The following GRIP1 variants were observed in gnomAD, a reference collection of about 807,000 sequenced individuals.
GRIP1 encodes glutamate receptor interacting protein 1.
In GRIP1, 45 loss-of-function variants were observed where a neutral mutation model predicts 129.9. That is an observed-to-expected ratio of 0.35 (90% confidence interval 0.27 to 0.44). The LOEUF is 0.44. Among genes scored for constraint, GRIP1 ranks in the 20% least tolerant of loss-of-function variants. The probability of loss-of-function intolerance (pLI) is 1.00; values close to 1 mark genes in which losing one functional copy is unlikely to be tolerated. For synonymous variants in GRIP1, 530 were observed against 520.8 expected (o/e 1.02, Z -0.24); for missense variants, 1,196 against 1,396.8 (o/e 0.86, Z 2.29).
At chr12:66,679,190 A>G, upstream of GRIP1, 2 of 1,289,376 alleles carry the variant, frequency 1.6e-6, no homozygotes, top group Non-Finnish European at 2.0e-6. Flanking sequence ...CAAAGCACCA[A>G]ATTGTACAAA....
intron 23 of GRIP1, among the ~76,000 whole-genome samples, chr12:66,365,594 G>A (rs570418118): frequency 6.6e-6 from 1 of 152,328 alleles, no homozygotes; most frequent in African/African-American, 2.4e-5. Context: ...TCCAATCCTT[G>A]TTCCACAGTT....
intron 1 of GRIP1, among the ~76,000 whole-genome samples, chr12:66,684,794 G>A (rs2034717266): frequency 6.6e-6 from 1 of 152,162 alleles, no homozygotes; most frequent in Non-Finnish European, 1.5e-5. Flanking sequence ...GCAGTGAGCA[G>A]AGATCCCACC....
intron 4 of GRIP1, among the ~76,000 whole-genome samples, chr12:66,535,964 TGC>T: frequency 6.6e-6 from 1 of 152,202 alleles, no homozygotes; most frequent in Non-Finnish European, 1.5e-5. Flanking sequence ...AGCCATGAAC[TGC>T]TGATCTTTCC....
intron 7 of GRIP1, among the ~76,000 whole-genome samples, chr12:66,465,978 GTAGA>G (rs922616846): frequency 2.0e-5 from 3 of 152,308 alleles, no homozygotes; most frequent in Admixed American, 6.5e-5. Flanking sequence ...GAATGGATGG[GTAGA>G]TAGATAATCA....
chr12:66,387,569 A>G (rs1374437754), intron 19 of GRIP1, among the ~76,000 whole-genome samples: 1 of 152,208 alleles, frequency 6.6e-6, no homozygotes, highest in African/African-American at 2.4e-5. Context: ...TAGAAAAACA[A>G]AGCGATAGCA....
chr12:66,900,930 G>C (rs61592946), intron 1 of GRIP1, among the ~76,000 whole-genome samples: 1 of 152,176 alleles, frequency 6.6e-6, no homozygotes, highest in Non-Finnish European at 1.5e-5. Flanking sequence ...TTCGGTCTTG[G>C]CTCTTAAATC....
intron 1 of GRIP1, among the ~76,000 whole-genome samples, chr12:66,847,610 T>C (rs1322022827): frequency 6.6e-6 from 1 of 152,166 alleles, no homozygotes; most frequent in Non-Finnish European, 1.5e-5. Context: ...AAATGGCCGA[T>C]TTCATATGAA....
chr12:66,741,973 A>T (rs1404321471), intron 1 of GRIP1, among the ~76,000 whole-genome samples: 1 of 152,178 alleles, frequency 6.6e-6, no homozygotes, highest in Non-Finnish European at 1.5e-5. Flanking sequence ...CACTCAACTC[A>T]TACTAAAGAA....
At chr12:66,584,987 C>T (rs557861821) in intron 2 of GRIP1, among the ~76,000 whole-genome samples, 2 of 152,216 alleles carry the variant, frequency 1.3e-5, no homozygotes, top group East Asian at 3.9e-4. Context: ...CACTGCCTTC[C>T]CTCCCGCTGA....
chr12:66,533,196 TTTA>T lies in GRIP1; in HGVS notation c.419-3285_419-3283del, dbSNP rs138397423. On this transcript the variant is annotated intron_variant, in intron 4 of 24. Coordinates refer to ENST00000359742, the MANE Select transcript of GRIP1 (RefSeq NM_001366722.1). ...CACTGCTCTAGACCAAATTTTTATT[TTTA>T]TTATTTATTTATTTTTAATTGAGAC... 6.0e-3 allele frequency among the ~76,000 whole-genome samples: 909 copies of T among 152,116 alleles called. 8 individuals are homozygous for T. Among genetic ancestry groups the T allele is most frequent in the African/African-American group, 0.021 (863 of 41,550 alleles).
intron 1 of GRIP1, among the ~76,000 whole-genome samples, chr12:67,014,415 T>G (rs1381183983): frequency 6.6e-6 from 1 of 151,932 alleles, no homozygotes; most frequent in African/African-American, 2.4e-5. Flanking sequence ...CAATGACAAA[T>G]GAAAACTGCA....
chr12:66,517,255 C>A lies in GRIP1; in HGVS notation c.578+646G>T, dbSNP rs79720028. On this transcript the variant is annotated intron_variant, in intron 6 of 24. Transcript: ENST00000359742. ...ACAGAGATGAGTATCTCCAGAGACA[C>A]CTAAGTTGTGAGTTTACTCGGGGCC... is the stretch of plus-strand genomic sequence containing the variant. 1.8e-4 allele frequency among the ~76,000 whole-genome samples: 28 copies of A among 152,114 alleles called. No individual in the cohort carries two copies. The East Asian group carries it at 4.6e-3, about 25-fold the overall frequency.
intron 7 of GRIP1, among the ~76,000 whole-genome samples, chr12:66,470,149 C>T (rs2059397520): frequency 6.6e-6 from 1 of 152,158 alleles, no homozygotes; most frequent in Admixed American, 6.5e-5. Flanking sequence ...CAGAGTGATC[C>T]TTTAAATTGA....
chr12:66,959,865 A>C (rs2041897343), intron 1 of GRIP1, among the ~76,000 whole-genome samples: 1 of 151,866 alleles, frequency 6.6e-6, no homozygotes, highest in African/African-American at 2.4e-5. Flanking sequence ...TGCATACACA[A>C]AAATATGAAA....
In GRIP1 at chr12:66,397,558, T is replaced by TA. The variant is rs201055324; in HGVS notation, c.1985-3207dup. 8.0e-3 allele frequency among the ~76,000 whole-genome samples: 1,210 copies of TA among 152,138 alleles called. 17 individuals are homozygous for TA. Among genetic ancestry groups the TA allele is most frequent in the African/African-American group, 0.028 (1,163 of 41,488 alleles). On this transcript the variant is annotated intron_variant, in intron 16 of 24. Coordinates refer to ENST00000359742, the MANE Select transcript of GRIP1 (RefSeq NM_001366722.1). The stretch of plus-strand genomic sequence containing the variant: ...TGTTTTTCTATCAGATAGATTGCTT[T>TA]AAAAAAACAGTTGGTTTTAATTAGG...
At position 66,401,598 on chromosome 12, in the gene GRIP1, G is replaced by GTGTGTATATATA. The variant is rs71096098; in HGVS notation, c.1984+4684_1984+4685insTATATATACACA. 1.8e-3 allele frequency among the ~76,000 whole-genome samples: 121 copies of GTGTGTATATATA among 66,258 alleles called. 2 individuals carry two copies. Among genetic ancestry groups the GTGTGTATATATA allele is most frequent in the African/African-American group, 6.7e-3 (110 of 16,334 alleles). The allele number at this position is 66,258 out of a possible 152,430, so 43.5% of individuals were successfully genotyped here. A position where few individuals can be genotyped will look rare whatever the true frequency, so the allele number is the denominator to read the frequency against. ...CCGTCTCAAAAAAAAAAATATGTGT[G>GTGTGTATATATA]TATATATATATACACACACACACAC... is the stretch of plus-strand genomic sequence containing the variant. On this transcript the variant is annotated intron_variant, in intron 16 of 24. Transcript: ENST00000359742.
At chr12:66,751,265 C>A (rs2037118133) in intron 1 of GRIP1, among the ~76,000 whole-genome samples, 1 of 152,010 alleles carries the variant, frequency 6.6e-6, no homozygotes, top group Admixed American at 6.6e-5. Flanking sequence ...AAAAGGAGAA[C>A]AGAAGAATAA....
chr12:66,767,125 T>C (rs1004044204), intron 1 of GRIP1, among the ~76,000 whole-genome samples: 1 of 152,208 alleles, frequency 6.6e-6, no homozygotes, highest in Non-Finnish European at 1.5e-5. Flanking sequence ...ACCAACCTAA[T>C]CAGCTTTAAA....
chr12:66,807,467 A>G (rs1032309786), upstream of GRIP1, among the ~76,000 whole-genome samples: 1 of 152,012 alleles, frequency 6.6e-6, no homozygotes, highest in Admixed American at 6.6e-5. Flanking sequence ...AGGTCAGGAG[A>G]TCGAGACCAT....
Sources: allele counts gnomAD v4.1 joint callset (sites outside exome capture counted in the v4.1 genomes callset), GRCh38; gene constraint gnomAD v4.1.1; transcripts MANE v1.5; gene names NCBI Gene and HGNC (gene_info 2026-07-23, HGNC 2026-07-21).